Variants in ADAMTS3 observed in about 807,000 individuals in gnomAD.
ADAMTS3 encodes A disintegrin and metalloproteinase with thrombospondin motifs 3.
A neutral mutation model predicts 129.0 loss-of-function variants in ADAMTS3; 73 were observed. The observed-to-expected ratio is 0.57, with a 90% CI of 0.47 to 0.69. The LOEUF is 0.69. ADAMTS3 is among the 30% of genes least tolerant of loss of function. ADAMTS3 has a pLI of 0.00. For synonymous variants in ADAMTS3, 477 were observed against 510.8 expected, an observed-to-expected ratio of 0.93 and a Z score of 0.89; for missense variants, 1,457 against 1,514.5, an observed-to-expected ratio of 0.96 and a Z score of 0.63.
In ADAMTS3 at chr4:72,350,625, T is replaced by C. The variant is rs559863413; in HGVS notation, c.662-10932A>G. 3.9e-5 allele frequency among the ~76,000 whole-genome samples: 6 copies of C among 152,060 alleles called. No individual in the cohort carries two copies. The South Asian group carries it at 1.2e-3, about 32-fold the overall frequency. On this transcript the variant is annotated intron_variant, in intron 4 of 21. Transcript: ENST00000286657. The stretch of plus-strand genomic sequence containing the variant: ...TTCCTTTCGGGTCTTGCTTGTAAGA[T>C]TTATTAGGTGGGGTCAGAACAGTGC...
At chr4:72,319,307 T>C in intron 9 of ADAMTS3, 25 bp downstream of exon 9, 3 of 1,613,026 alleles carry the variant, frequency 1.9e-6, no homozygotes. Flanking sequence ...ATAAATACTT[T>C]CATGACATGC....
rs58075970 is a variant in ADAMTS3, at chr4:72,302,833, G to A, written c.2424+1084C>T. Among the ~76,000 whole-genome samples, 1,113 of 152,252 alleles carry A rather than the reference G, an allele frequency of 7.3e-3. 13 individuals carry two copies. Among genetic ancestry groups the A allele is most frequent in the African/African-American group, 0.026 (1,077 of 41,556 alleles). ...ATAAATGAGGCTTCTCTTCATAAAT[G>A]ATGGATTCTGGAAGGCAAGTGCTGT... On this transcript the variant is annotated intron_variant, in intron 17 of 21. Coordinates refer to ENST00000286657, the MANE Select transcript of ADAMTS3 (RefSeq NM_014243.3).
intron 3 of ADAMTS3, among the ~76,000 whole-genome samples, chr4:72,540,382 G>A (rs914083018): frequency 5.3e-5 from 8 of 152,162 alleles, no homozygotes; most frequent in Admixed American, 2.0e-4. Flanking sequence ...GTTGTTAATC[G>A]CATTCAGTTT....
chr4:72,544,601 C>A (rs533727001), intron 3 of ADAMTS3, among the ~76,000 whole-genome samples: 2 of 152,290 alleles, frequency 1.3e-5, no homozygotes, highest in African/African-American at 4.8e-5. Flanking sequence ...ACAAAGGCAT[C>A]ATATCAATTC....
At chr4:72,285,568 A>T (rs1718484069) in intron 21 of ADAMTS3, among the ~76,000 whole-genome samples, 1 of 152,072 alleles carries the variant, frequency 6.6e-6, no homozygotes, top group South Asian at 2.1e-4. Context: ...TTAGAGAAGG[A>T]GTCCAACCAA....
At chr4:72,309,307 T>C (rs1332872138) in intron 15 of ADAMTS3, 90 bp downstream of exon 15, 2 of 1,339,800 alleles carry the variant, frequency 1.5e-6, no homozygotes, top group Non-Finnish European at 2.1e-6. Context: ...ATTATGTTTA[T>C]AGAGAAAATG....
At chr4:72,430,018 A>C (rs1461117426) in intron 3 of ADAMTS3, among the ~76,000 whole-genome samples, 1 of 152,058 alleles carries the variant, frequency 6.6e-6, no homozygotes, top group African/African-American at 2.4e-5. Context: ...CAACGGTTTA[A>C]GTAGCAAGGC....
intron 2 of ADAMTS3, among the ~76,000 whole-genome samples, chr4:72,567,129 G>C (rs1361836212): frequency 6.6e-6 from 1 of 152,144 alleles, no homozygotes; most frequent in Non-Finnish European, 1.5e-5. Flanking sequence ...CTTGTACAAA[G>C]ACAGTAATAA....
intron 4 of ADAMTS3, among the ~76,000 whole-genome samples, chr4:72,354,026 G>A (rs1690420078): frequency 6.6e-6 from 1 of 151,832 alleles, no homozygotes; most frequent in African/African-American, 2.4e-5. Context: ...TATATTTTTA[G>A]TATTCAGAAA....
At chr4:72,422,997 C>T (rs1722484380) in intron 3 of ADAMTS3, among the ~76,000 whole-genome samples, 1 of 152,044 alleles carries the variant, frequency 6.6e-6, no homozygotes, top group Non-Finnish European at 1.5e-5. Context: ...TAAAAAAGTT[C>T]CATCAAAAAT....
At chr4:72,421,253 A>G (rs1560509558) in intron 3 of ADAMTS3, among the ~76,000 whole-genome samples, 1 of 152,272 alleles carries the variant, frequency 6.6e-6, no homozygotes. Flanking sequence ...ACTTATATCA[A>G]TTAGCATCGC....
At chr4:72,530,473 T>TAA (rs1360335326) in intron 3 of ADAMTS3, among the ~76,000 whole-genome samples, 1 of 19,666 alleles carries the variant, frequency 5.1e-5, no homozygotes, top group African/African-American at 3.2e-4. Context: ...ATATATTAAT[T>TAA]TAATATATAA....
chr4:72,367,915 G>T (rs1720910747), intron 4 of ADAMTS3, among the ~76,000 whole-genome samples: 1 of 150,696 alleles, frequency 6.6e-6, no homozygotes, highest in Non-Finnish European at 1.5e-5. Flanking sequence ...AAATGTCAGG[G>T]TGATTGTTAC....
In ADAMTS3 at chr4:72,402,117, C is replaced by G. The variant is rs537568873; in HGVS notation, c.661+12698G>C. Among the ~76,000 whole-genome samples the G allele has an allele frequency of 3.9e-5, 6 of 152,252 alleles. No homozygotes were observed. The South Asian group carries it at 1.2e-3, about 32-fold the overall frequency. On this transcript the variant is annotated intron_variant, in intron 4 of 21. Coordinates refer to ENST00000286657, the MANE Select transcript of ADAMTS3 (RefSeq NM_014243.3). ...CATACTATCACCATTAGTTAGTTCT[C>G]TAAACTTTGTCTTCTTTCCTTGTCT...
At position 72,313,614 on chromosome 4, in the gene ADAMTS3, A is replaced by G. The variant is rs1719304255; in HGVS notation, c.1745+63T>C. The G allele has an allele frequency of 3.3e-6, 5 of 1,534,198 alleles. No homozygotes were observed. The South Asian group carries it at 4.7e-5, about 14-fold the overall frequency. The stretch of plus-strand genomic sequence containing the variant: ...CACTTTATAAAACAGAATACTAATA[A>G]CATAATATTGAAGTATTTTCTGGTC... On this transcript the variant is annotated intron_variant, in intron 12 of 21. Coordinates refer to ENST00000286657, the MANE Select transcript of ADAMTS3 (RefSeq NM_014243.3).
At chr4:72,517,575 G>A (rs199687011) in intron 3 of ADAMTS3, among the ~76,000 whole-genome samples, 1 of 152,174 alleles carries the variant, frequency 6.6e-6, no homozygotes, top group African/African-American at 2.4e-5. Context: ...GAGGGTGTAT[G>A]TGTCAAGGAA....
chr4:72,516,241 C>A (rs1046966051), intron 3 of ADAMTS3, among the ~76,000 whole-genome samples: 3 of 152,048 alleles, frequency 2.0e-5, no homozygotes, highest in African/African-American at 7.3e-5. Flanking sequence ...TTACTGTGGC[C>A]TTGTAGTATA....
At chr4:72,470,134 G>C (rs1429904894) in intron 3 of ADAMTS3, among the ~76,000 whole-genome samples, 2 of 151,976 alleles carry the variant, frequency 1.3e-5, no homozygotes, top group Non-Finnish European at 2.9e-5. Flanking sequence ...AGAAAAACTA[G>C]AATGCTCAAT....
chr4:72,492,162 T>G (rs1217256331), intron 3 of ADAMTS3, among the ~76,000 whole-genome samples: 1 of 151,730 alleles, frequency 6.6e-6, no homozygotes, highest in African/African-American at 2.4e-5. Context: ...TCTCTTTTTC[T>G]TAGACTAAGG....
Sources: allele counts gnomAD v4.1 joint callset (sites outside exome capture counted in the v4.1 genomes callset), GRCh38; gene constraint gnomAD v4.1.1; transcripts MANE v1.5; gene names NCBI Gene and HGNC (gene_info 2026-07-23, HGNC 2026-07-21).